OPCML: variants seen among roughly 807,000 people sequenced by gnomAD.
The protein encoded by OPCML is opioid binding protein/cell adhesion molecule like.
A neutral mutation model predicts 37.8 loss-of-function variants in OPCML; 13 were observed. The ratio of observed to expected loss-of-function variants is 0.34; its 90% CI spans 0.22 to 0.55. OPCML has a LOEUF of 0.55. OPCML is among the 20% of genes least tolerant of loss of function. The pLI is 0.91. For synonymous variants in OPCML, 176 were observed against 168.8 expected (o/e 1.04, Z -0.33); for missense variants, 341 against 435.6 (o/e 0.78, Z 1.93).
intron 3 of OPCML, among the ~76,000 whole-genome samples, chr11:132,591,405 A>AAAT (rs1053841069): frequency 1.1e-4 from 17 of 152,216 alleles, no homozygotes; most frequent in Non-Finnish European, 2.4e-4. Context: ...CATTACTTGT[A>AAAT]GAGTAAAAGA....
At chr11:133,468,716 T>C (rs1304176066) in intron 1 of OPCML, among the ~76,000 whole-genome samples, 1 of 152,206 alleles carries the variant, frequency 6.6e-6, no homozygotes, top group Admixed American at 6.5e-5. Context: ...AAAGGCTTTT[T>C]GACAAGCGTT....
chr11:133,115,754 G>C (rs1949323747), intron 1 of OPCML, among the ~76,000 whole-genome samples: 1 of 151,936 alleles, frequency 6.6e-6, no homozygotes, highest in African/African-American at 2.4e-5. Flanking sequence ...TTTAAACTTA[G>C]AGGAAAAACA....
intron 1 of OPCML, among the ~76,000 whole-genome samples, chr11:133,342,922 A>G (rs1181238470): frequency 6.6e-6 from 1 of 152,162 alleles, no homozygotes; most frequent in Non-Finnish European, 1.5e-5. Flanking sequence ...TTTTCTTTGG[A>G]AACAGGGTCT....
chr11:133,352,619 T>C (rs1279088642), intron 1 of OPCML, among the ~76,000 whole-genome samples: 1 of 152,250 alleles, frequency 6.6e-6, no homozygotes, highest in African/African-American at 2.4e-5. Context: ...TTAACTCTTT[T>C]ATTGCTATAT....
At chr11:133,475,916 G>A (rs1027403614) in intron 1 of OPCML, among the ~76,000 whole-genome samples, 7 of 152,212 alleles carry the variant, frequency 4.6e-5, no homozygotes, top group Non-Finnish European at 8.8e-5. Flanking sequence ...TGGTAGGTGA[G>A]ATGGCAGTGG....
At position 133,268,685 on chromosome 11, in the gene OPCML, G is replaced by A. The variant is rs568428539; in HGVS notation, c.61+263579C>T. ...TAAGGTAATGCATACACTAGAAACT[G>A]TTTCCAAAACTGTGATTAGTACTGA... is the stretch of plus-strand genomic sequence containing the variant. On this transcript the variant is annotated intron_variant, in intron 1 of 7. Coordinates refer to ENST00000524381, the MANE Select transcript of OPCML (RefSeq NM_001012393.5). Among the ~76,000 whole-genome samples the A allele has an allele frequency of 3.3e-5, 5 of 152,274 alleles. No individual in the cohort carries two copies. The East Asian group carries it at 7.7e-4, about 23-fold the overall frequency.
intron 4 of OPCML, among the ~76,000 whole-genome samples, chr11:132,488,929 G>A (rs926008797): frequency 5.3e-5 from 8 of 152,138 alleles, no homozygotes; most frequent in African/African-American, 9.7e-5. Context: ...CGACAAGAAC[G>A]AGAACCCTGT....
At chr11:132,962,818 G>A (rs372711464) in intron 1 of OPCML, among the ~76,000 whole-genome samples, 2 of 152,104 alleles carry the variant, frequency 1.3e-5, no homozygotes, top group African/African-American at 2.4e-5. Flanking sequence ...GCTGTTTTTC[G>A]TACAATATTT....
At chr11:132,702,459 A>C (rs1425874559) in intron 2 of OPCML, among the ~76,000 whole-genome samples, 1 of 152,214 alleles carries the variant, frequency 6.6e-6, no homozygotes, top group Non-Finnish European at 1.5e-5. Flanking sequence ...GTATGTAACC[A>C]GTCACTTTTC....
intron 1 of OPCML, among the ~76,000 whole-genome samples, chr11:133,168,385 A>T (rs756118590): frequency 6.6e-6 from 1 of 152,174 alleles, no homozygotes; most frequent in African/African-American, 2.4e-5. Context: ...GATTATGCCA[A>T]TATGGTCCTG....
chr11:133,004,625 C>A, intron 1 of OPCML: 1 of 985,456 alleles, frequency 1.0e-6, no homozygotes, highest in Non-Finnish European at 1.2e-6. Flanking sequence ...CAGTTGCTGC[C>A]CCCACTGCTA....
At chr11:133,338,181 T>C (rs936774896) in intron 1 of OPCML, among the ~76,000 whole-genome samples, 4 of 152,176 alleles carry the variant, frequency 2.6e-5, no homozygotes, top group Non-Finnish European at 5.9e-5. Flanking sequence ...ATTGTTTCAA[T>C]GACAGCCTGT....
chr11:132,543,732 C>T (rs2096362596), intron 3 of OPCML, among the ~76,000 whole-genome samples: 1 of 152,074 alleles, frequency 6.6e-6, no homozygotes, highest in Non-Finnish European at 1.5e-5. Context: ...AAGTACAACA[C>T]ATAAGCCAAG....
intron 2 of OPCML, among the ~76,000 whole-genome samples, chr11:132,786,015 A>G (rs1185063008): frequency 6.6e-6 from 1 of 152,202 alleles, no homozygotes; most frequent in Admixed American, 6.5e-5. Flanking sequence ...AATGGCAGAT[A>G]ATATAAACAC....
rs1330811243 is a variant in OPCML, at chr11:133,140,991, AGAAGAAGAC to A, written c.62-197990_62-197982del. Among the ~76,000 whole-genome samples the A allele has an allele frequency of 3.7e-3, 16 of 4,298 alleles. 4 individuals carry two copies. Among genetic ancestry groups the A allele is most frequent in the African/African-American group, 4.9e-3 (12 of 2,450 alleles). The allele number at this position is 4,298 out of a possible 152,430, so 2.8% of individuals were successfully genotyped here. A position where few individuals can be genotyped will look rare whatever the true frequency, so the allele number is the denominator to read the frequency against. ...AAGAAGAAGAAGAAGAAGAAGAAGA[AGAAGAAGAC>A]GACGACGACGACGACGACGACGACG... On this transcript the variant is annotated intron_variant, in intron 1 of 7. Coordinates refer to ENST00000524381, the MANE Select transcript of OPCML (RefSeq NM_001012393.5).
At chr11:132,687,478 T>C (rs1187190604) in intron 2 of OPCML, among the ~76,000 whole-genome samples, 1 of 138,626 alleles carries the variant, frequency 7.2e-6, no homozygotes, top group African/African-American at 2.8e-5. Flanking sequence ...CAATTTAAGA[T>C]CCTTAACATA....
intron 7 of OPCML, among the ~76,000 whole-genome samples, chr11:132,431,785 T>A (rs1192746132): frequency 6.6e-6 from 1 of 152,178 alleles, no homozygotes; most frequent in East Asian, 1.9e-4. Flanking sequence ...TGTGAAGGGA[T>A]CACGGGGCAG....
At chr11:133,189,746 A>G (rs755871459) in intron 1 of OPCML, among the ~76,000 whole-genome samples, 1 of 152,204 alleles carries the variant, frequency 6.6e-6, no homozygotes. Context: ...AAATTAGAGG[A>G]CAGTCACCAG....
At chr11:133,039,555 C>CAGGG (rs1947846888) in intron 1 of OPCML, among the ~76,000 whole-genome samples, 1 of 152,016 alleles carries the variant, frequency 6.6e-6, no homozygotes, top group Non-Finnish European at 1.5e-5. Flanking sequence ...CACCCATGAA[C>CAGGG]AGGGGGTGGA....
Sources: gnomAD v4.1 joint callset for allele counts (sites outside exome capture counted in the v4.1 genomes callset) on GRCh38, gnomAD v4.1.1 for gene constraint, MANE v1.5 for transcripts, NCBI Gene and HGNC (gene_info 2026-07-23, HGNC 2026-07-21) for gene names.